SUCLG2: variants seen among roughly 807,000 people sequenced by gnomAD.
SUCLG2 encodes succinate--CoA ligase [GDP-forming] subunit beta, mitochondrial.
SUCLG2 carries 42 observed loss-of-function variants against 47.9 expected under a neutral mutation model. The observed-to-expected ratio is 0.88, with a 90% confidence interval of 0.69 to 1.14. The LOEUF is 1.14. Ranked by LOEUF, SUCLG2 falls within the 50% of genes most tolerant of loss-of-function variation. The pLI is 0.00. For missense variants in SUCLG2, 571 were observed against 525.9 expected, an observed-to-expected ratio of 1.09 and a Z score of -0.84; for synonymous variants, 195 against 197.3, an observed-to-expected ratio of 0.99 and a Z score of 0.10.
At chr3:67,557,340 C>A (rs1707189802) in intron 2 of SUCLG2, among the ~76,000 whole-genome samples, 1 of 152,064 alleles carries the variant, frequency 6.6e-6, no homozygotes, top group South Asian at 2.1e-4. Flanking sequence ...AGAGAATAAC[C>A]TTTTTGCTCC....
intron 9 of SUCLG2, among the ~76,000 whole-genome samples, chr3:67,439,389 G>A (rs553426049): frequency 1.3e-5 from 2 of 152,270 alleles, no homozygotes; most frequent in East Asian, 3.9e-4. Context: ...TCCGGCCAGG[G>A]CAATCAGGCA....
intron 9 of SUCLG2, among the ~76,000 whole-genome samples, chr3:67,407,307 T>C (rs973085707): frequency 6.6e-6 from 1 of 152,222 alleles, no homozygotes; most frequent in African/African-American, 2.4e-5. Flanking sequence ...TGTCACTTGA[T>C]ATATCTTTGA....
chr3:67,431,869 AG>A (rs1388931830), intron 9 of SUCLG2, among the ~76,000 whole-genome samples: 1 of 152,250 alleles, frequency 6.6e-6, no homozygotes, highest in Non-Finnish European at 1.5e-5. Flanking sequence ...CATGTACCCT[AG>A]AACTTAAAGT....
At chr3:67,495,280 G>A (rs1705301510) in intron 9 of SUCLG2, among the ~76,000 whole-genome samples, 1 of 152,096 alleles carries the variant, frequency 6.6e-6, no homozygotes, top group Non-Finnish European at 1.5e-5. Flanking sequence ...TCTCAGGACT[G>A]TACACACAAC....
At chr3:67,551,822 C>T (rs1290192895) in intron 2 of SUCLG2, among the ~76,000 whole-genome samples, 1 of 152,110 alleles carries the variant, frequency 6.6e-6, no homozygotes, top group Non-Finnish European at 1.5e-5. Flanking sequence ...AACCTCACCT[C>T]GTTTATCTTC....
intron 2 of SUCLG2, 104 bp from the exon 3 acceptor site, chr3:67,529,290 A>G (rs1006583430): frequency 2.5e-4 from 199 of 798,742 alleles, no homozygotes; most frequent in Non-Finnish European, 3.4e-4. Flanking sequence ...AGTAACTGGT[A>G]AAAGCTCTCT....
At chr3:67,523,774 G>A (rs949681471) in intron 4 of SUCLG2, among the ~76,000 whole-genome samples, 6 of 152,096 alleles carry the variant, frequency 3.9e-5, no homozygotes, top group African/African-American at 1.4e-4. Context: ...AGGTCTACTG[G>A]CATAATACTG....
At chr3:67,607,279 G>A (rs571298843) in intron 2 of SUCLG2, among the ~76,000 whole-genome samples, 3 of 152,198 alleles carry the variant, frequency 2.0e-5, no homozygotes, top group African/African-American at 7.2e-5. Context: ...TGCTGGAAGT[G>A]TAGCATTCCA....
At chr3:67,537,251 G>A (rs1706569847) in intron 2 of SUCLG2, among the ~76,000 whole-genome samples, 1 of 151,916 alleles carries the variant, frequency 6.6e-6, no homozygotes, top group South Asian at 2.1e-4. Context: ...CCCAGTGTGT[G>A]ATGTTCCCCT....
chr3:67,413,676 T>G (rs1321878524), intron 9 of SUCLG2, among the ~76,000 whole-genome samples: 2 of 152,190 alleles, frequency 1.3e-5, no homozygotes, highest in Admixed American at 6.5e-5. Context: ...GGAAGGAAAC[T>G]AAAGCTCTCA....
intron 2 of SUCLG2, among the ~76,000 whole-genome samples, chr3:67,582,200 A>G (rs1265086971): frequency 6.6e-6 from 1 of 152,068 alleles, no homozygotes; most frequent in Non-Finnish European, 1.5e-5. Flanking sequence ...TGTTATATAG[A>G]TTTTTTGTCA....
chr3:67,566,728 G>A (rs1360819607), intron 2 of SUCLG2, among the ~76,000 whole-genome samples: 1 of 151,920 alleles, frequency 6.6e-6, no homozygotes, highest in Non-Finnish European at 1.5e-5. Flanking sequence ...AAGTAAAGAT[G>A]AACCACTATG....
At chr3:67,460,180 C>T (rs143399745) in intron 9 of SUCLG2, among the ~76,000 whole-genome samples, 5 of 152,216 alleles carry the variant, frequency 3.3e-5, no homozygotes, top group Admixed American at 2.6e-4. Flanking sequence ...GGTAGTAAAT[C>T]ACTACTGATT....
chr3:67,503,186 T>G (rs1478108741), intron 7 of SUCLG2, among the ~76,000 whole-genome samples: 1 of 152,080 alleles, frequency 6.6e-6, no homozygotes, highest in Non-Finnish European at 1.5e-5. Flanking sequence ...ACAGAAAAAG[T>G]TTGCCAATCC....
intron 2 of SUCLG2, among the ~76,000 whole-genome samples, chr3:67,574,017 T>A (rs1707684653): frequency 6.6e-6 from 1 of 152,216 alleles, no homozygotes; most frequent in Admixed American, 6.5e-5. Context: ...AGATCCCTGT[T>A]TCCTTGCTGA....
At chr3:67,520,763 G>C (rs1184591972) in intron 4 of SUCLG2, 129 bp from the exon 5 acceptor site, 1 of 1,060,824 alleles carries the variant, frequency 9.4e-7, no homozygotes, top group East Asian at 2.5e-5. Flanking sequence ...GAGTGAGTTT[G>C]CAGAGCTTTG....
At chr3:67,463,998 G>T (rs1297765725) in intron 9 of SUCLG2, among the ~76,000 whole-genome samples, 1 of 152,214 alleles carries the variant, frequency 6.6e-6, no homozygotes, top group Non-Finnish European at 1.5e-5. Context: ...AGGAGTTGGA[G>T]GGCCATCTCT....
intron 8 of SUCLG2, 111 bp downstream of exon 8, chr3:67,498,023 C>T (rs1156505099): frequency 1.7e-6 from 2 of 1,194,808 alleles, no homozygotes; most frequent in African/African-American, 3.1e-5. Flanking sequence ...TTTTCAGCTA[C>T]AAAAAAACTT....
At chr3:67,630,217 T>G (rs1288916718) in intron 1 of SUCLG2, among the ~76,000 whole-genome samples, 1 of 152,168 alleles carries the variant, frequency 6.6e-6, no homozygotes, top group Non-Finnish European at 1.5e-5. Context: ...AAAATAAATG[T>G]TAAACAAATT....
Sources: gnomAD v4.1 joint callset for allele counts (sites outside exome capture counted in the v4.1 genomes callset) on GRCh38, gnomAD v4.1.1 for gene constraint, MANE v1.5 for transcripts, NCBI Gene and HGNC (gene_info 2026-07-23, HGNC 2026-07-21) for gene names.